The following PRSS53 variants were observed in gnomAD, a reference collection of about 807,000 sequenced individuals.
The protein encoded by PRSS53 is serine protease 53.
A neutral mutation model predicts 62.7 loss-of-function variants in PRSS53; 54 were observed. The observed-to-expected ratio is 0.86, with a 90% CI of 0.69 to 1.08. The LOEUF (loss-of-function observed/expected upper bound fraction) is 1.08, where lower values mean the gene tolerates loss of function less well. Ranked by LOEUF, PRSS53 falls within the 50% of genes least tolerant of loss-of-function variation. The pLI is 0.00. For missense variants in PRSS53, 688 were observed against 728.3 expected (o/e 0.94, Z 0.64); for synonymous variants, 273 against 300.0 (o/e 0.91, Z 0.93).
exon 8 of PRSS53, chr16:31,084,863 C>T (rs756974227): frequency 7.1e-6 from 11 of 1,547,906 alleles, no homozygotes; most frequent in East Asian, 4.9e-5. Flanking sequence ...GCAGAGGGGC[C>T]GCAGGCTGGC....
intron 10 of PRSS53, 22 bp from the exon 11 acceptor site, chr16:31,083,831 G>A: frequency 1.2e-6 from 2 of 1,613,980 alleles, no homozygotes; most frequent in Non-Finnish European, 1.7e-6. Context: ...GAAGGAGGGT[G>A]GAGTTGTCCT....
chr16:31,088,064 T>C (rs1445765383), intron 1 of PRSS53: 1 of 1,418,712 alleles, frequency 7.0e-7, no homozygotes, highest in East Asian at 2.7e-5. Context: ...CTCTGGGGCT[T>C]GGGGTTCAGC....
chr16:31,083,574 G>T (rs745388683), exon 11 of PRSS53: 93 of 1,442,404 alleles, frequency 6.4e-5, no homozygotes, highest in Non-Finnish European at 8.3e-5. Context: ...CGCCTGCTTG[G>T]TAGCAGAGTT....
rs2057258359 is a variant in PRSS53 at position 31,088,553 on chromosome 16, AG to A, written c.58+198del. The A allele has an allele frequency of 2.1e-6, 3 of 1,434,618 alleles. No homozygotes were observed. In the African/African-American group the frequency reaches 4.3e-5, roughly 21 times the overall value. 88.9% of individuals were successfully genotyped at this position (1,434,618 alleles called of 1,614,324 possible). ...CACAGGCCCCGCCAACGCAAACTGC[AG>A]CTGGCCCGAGAAAATCTCATCCATG... is the stretch of plus-strand genomic sequence containing the variant. On this transcript the variant is annotated intron_variant, in intron 1 of 10. Coordinates refer to ENST00000280606, the Ensembl canonical transcript of PRSS53.
At chr16:31,087,923 T>C (rs1377410250) in intron 1 of PRSS53, 97 bp from the exon 2 acceptor site, 1 of 1,568,084 alleles carries the variant, frequency 6.4e-7, no homozygotes, top group East Asian at 2.4e-5. Flanking sequence ...CCAGGGTCCT[T>C]GCCTGTGACT....
chr16:31,088,631 C>T (rs533158304), intron 1 of PRSS53, 121 bp downstream of exon 1: 5 of 1,550,222 alleles, frequency 3.2e-6, no homozygotes, highest in South Asian at 1.2e-5. Context: ...GGAGTTACAT[C>T]CCCACTGGTG....
In PRSS53 at chr16:31,084,225, G is replaced by A. The variant is rs115547195; in HGVS notation, c.1536C>T (p.Thr512=). ...CCCAGTCCTCATAGGCAGGGAGCGC[G>A]GTGAAGACCGCCGGCCTGGCGGGGC... Residue 512 remains threonine, a synonymous_variant, in exon 10 of 11, where the codon ACC becomes ACT. Coordinates refer to ENST00000280606, the Ensembl canonical transcript of PRSS53. 64 of 1,611,776 alleles carry A rather than the reference G, an allele frequency of 4.0e-5. 1 individual carries two copies. The South Asian group carries it at 4.1e-4, about 10-fold the overall frequency.
intron 5 of PRSS53, 21 bp downstream of exon 5, chr16:31,086,316 C>G (rs1426076277): frequency 6.3e-7 from 1 of 1,598,972 alleles, no homozygotes; most frequent in East Asian, 2.2e-5. Flanking sequence ...CCTTCTGCTC[C>G]TTCTCTTCTC....
intron 1 of PRSS53, 106 bp downstream of exon 1, chr16:31,088,646 G>A (rs775197657): frequency 6.3e-7 from 1 of 1,577,418 alleles, no homozygotes; most frequent in South Asian, 1.1e-5. Flanking sequence ...CTGGTGGACT[G>A]TCGCCCACAG....
At position 31,087,709 on chromosome 16, in the gene PRSS53, G is replaced by C; in HGVS notation, c.80-10C>G. On this transcript the variant is annotated splice_polypyrimidine_tract_variant and intron_variant, in intron 2 of 10. Transcript: ENST00000280606. ...CCACGCTGTCCACAGGCTGTGGAAAGGAGTTAGTCACACTGACAGCAGATA... is the reference window on the plus strand; with the variant it reads ...CCACGCTGTCCACAGGCTGTGGAAACGAGTTAGTCACACTGACAGCAGATA... The C allele has an allele frequency of 6.2e-7, 1 of 1,613,768 alleles. No individual in the cohort carries two copies. The highest frequency in any genetic ancestry group is 8.5e-7 in the Non-Finnish European group (1 of 1,179,882).
In PRSS53 at chr16:31,086,183, C is replaced by A; in HGVS notation, c.664G>T (p.Gly222Ter). 8 of 1,610,024 alleles carry A rather than the reference C, an allele frequency of 5.0e-6. No individual in the cohort carries two copies. The highest frequency in any genetic ancestry group is 6.8e-6 in the Non-Finnish European group (8 of 1,179,222). Residue 222 changes from glycine (G) to a stop codon, truncating the protein, a stop_gained and splice_region_variant, in exon 6 of 11, where the codon GGA (glycine) becomes TGA (stop). Transcript: ENST00000280606. LOFTEE classifies it high-confidence loss of function. Reference sequence around the variant, plus strand: ...CACAGCACAGGGCCCCCGGAATCTCCCTGGAGCCAGGCAACAAAGCCAAGG... The same window carrying A: ...CACAGCACAGGGCCCCCGGAATCTCACTGGAGCCAGGCAACAAAGCCAAGG...
chr16:31,084,861 G>C, exon 8 of PRSS53: 1 of 1,548,496 alleles, frequency 6.5e-7, no homozygotes, highest in Non-Finnish European at 8.7e-7. Context: ...AGGCAGAGGG[G>C]CCGCAGGCTG....
rs1020497894 is a variant in PRSS53 at position 31,083,697 on chromosome 16, C to T, written c.*93G>A. On this transcript the variant is annotated 3_prime_UTR_variant, in exon 11 of 11. Coordinates refer to ENST00000280606, the Ensembl canonical transcript of PRSS53. ...TGGGCTTCTGGGCCTGCCCTGGTGC[C>T]TGGAATCACACATGACAGGGTGGGG... is the stretch of plus-strand genomic sequence containing the variant. 2.8e-5 allele frequency: 45 copies of T among 1,607,332 alleles called. No individual in the cohort carries two copies. In the Admixed American group the frequency reaches 6.6e-4, roughly 24 times the overall value.
At chr16:31,083,708 CAT>C in exon 11 of PRSS53, 1 of 1,610,896 alleles carries the variant, frequency 6.2e-7, no homozygotes, top group East Asian at 2.2e-5. Flanking sequence ...TGGAATCACA[CAT>C]GACAGGGTGG....
At chr16:31,084,641 G>C in exon 9 of PRSS53, 1 of 1,608,364 alleles carries the variant, frequency 6.2e-7, no homozygotes, top group Non-Finnish European at 8.5e-7. Context: ...GGAGCTGCAT[G>C]CAGCCGGCTG....
chr16:31,084,785 C>T lies in PRSS53; in HGVS notation c.1274G>A (p.Gly425Glu), dbSNP rs1394907768. 3.2e-6 allele frequency: 5 copies of T among 1,552,636 alleles called. No individual in the cohort carries two copies. The East Asian group carries it at 7.1e-5, about 22-fold the overall frequency. Residue 425 changes from glycine to glutamate, a missense_variant, in exon 8 of 11, where the codon GGA (glycine) becomes GAA (glutamate). Transcript: ENST00000280606. Reference sequence around the variant, plus strand: ...CTGGCCCTGTGCCCACCTACCTGCTCCTGGGCGGGCCCGTCCCAGAACCCA... The same window carrying T: ...CTGGCCCTGTGCCCACCTACCTGCTTCTGGGCGGGCCCGTCCCAGAACCCA...
At chr16:31,087,769 C>T in intron 2 of PRSS53, 37 bp downstream of exon 2, 1 of 1,614,140 alleles carries the variant, frequency 6.2e-7, no homozygotes, top group Non-Finnish European at 8.5e-7. Flanking sequence ...CAACCCAGAC[C>T]CAAGTAAGAC....
Position 31,087,277 on chromosome 16 carries a change from G to A in PRSS53, c.242+260C>T, listed in dbSNP as rs535628786. 3.5e-4 allele frequency: 195 copies of A among 561,614 alleles called. 1 individual carries two copies. The highest frequency in any genetic ancestry group is 3.4e-3 in the African/African-American group (181 of 53,254). 34.8% of individuals were successfully genotyped at this position (561,614 alleles called of 1,614,324 possible). On this transcript the variant is annotated intron_variant, in intron 3 of 10. Coordinates refer to ENST00000280606, the Ensembl canonical transcript of PRSS53. ...CTCCCAAAGGGCTGGGATTACAAGCGTGAGCTACTGTGCCCGGCCTCAGTC... is the reference window on the plus strand; with the variant it reads ...CTCCCAAAGGGCTGGGATTACAAGCATGAGCTACTGTGCCCGGCCTCAGTC...
chr16:31,086,930 G>T, intron 3 of PRSS53, 32 bp from the exon 4 acceptor site: 2 of 1,554,206 alleles, frequency 1.3e-6, no homozygotes, highest in Non-Finnish European at 1.7e-6. Context: ...CCAGGCTGCT[G>T]AGTGCAAGGG....
Sources: allele counts gnomAD v4.1 joint callset, GRCh38; gene constraint gnomAD v4.1.1; transcripts MANE v1.5; gene names NCBI Gene and HGNC (gene_info 2026-07-23, HGNC 2026-07-21).